PCDHGA11: variants seen among roughly 807,000 people sequenced by gnomAD.
PCDHGA11 encodes the protein protocadherin gamma subfamily A, 11, also known as protocadherin gamma-A11.
In PCDHGA11, 39 loss-of-function variants were observed where a neutral mutation model predicts 60.4. That is an observed-to-expected ratio of 0.65 (90% CI 0.50 to 0.84). The LOEUF is 0.84. Among genes scored for constraint, PCDHGA11 ranks in the 40% least tolerant of loss-of-function variants. The pLI is 0.00. For synonymous variants in PCDHGA11, 533 were observed against 510.3 expected (o/e 1.04, Z -0.60); for missense variants, 1,165 against 1,197.7 (o/e 0.97, Z 0.40).
intron 1 of PCDHGA11, among the ~76,000 whole-genome samples, chr5:141,425,338 G>A (rs561085111): frequency 6.6e-6 from 1 of 152,290 alleles, no homozygotes; most frequent in African/African-American, 2.4e-5. Flanking sequence ...AAAAGGAAGG[G>A]TTGGCTTTGA....
rs763840734 is a variant in PCDHGA11, at chr5:141,428,113, T to C, written c.2433+4453T>C. The stretch of plus-strand genomic sequence containing the variant: ...CTGTCCTACCACGTGCTGCAGGCCA[T>C]CGAGCCCGGGCTTTTCAGCCTGGGG... On this transcript the variant is annotated intron_variant, in intron 1 of 3. Transcript: ENST00000398587. 1.0e-5 allele frequency: 16 copies of C among 1,607,374 alleles called. No homozygotes were observed. In the African/African-American group the frequency reaches 1.9e-4, roughly 19 times the overall value.
chr5:141,477,708 G>T lies in PCDHGA11; in HGVS notation c.2434-17099G>T. ...GTGCCCCTAGACTATGAGGATCGGC[G>T]GGAATTTGAATTAACAGCTCATATC... On this transcript the variant is annotated intron_variant, in intron 1 of 3. Transcript: ENST00000398587. The surrounding 1 kb of genome is among the most constrained non-coding windows in gnomAD (Gnocchi z 4.9). 2 of 1,613,930 alleles carry T rather than the reference G, an allele frequency of 1.2e-6. No individual in the cohort carries two copies. Among genetic ancestry groups the T allele is most frequent in the Non-Finnish European group, 1.7e-6 (2 of 1,180,030 alleles).
chr5:141,476,055 GT>G lies in PCDHGA11; in HGVS notation c.2434-18749del. 6.7e-7 allele frequency: 1 copy of G among 1,503,516 alleles called. No homozygotes were observed. Among genetic ancestry groups the G allele is most frequent in the South Asian group, 1.3e-5 (1 of 75,386 alleles). The allele number at this position is 1,503,516 out of a possible 1,614,324, so 93.1% of individuals were successfully genotyped here. ...GCGCCCAAGCGCTAACCCGCTGAAA[GT>G]TTCTCAGCGAAATCTCAGGGACGAT... On this transcript the variant is annotated intron_variant, in intron 1 of 3. Transcript: ENST00000398587. The surrounding 1 kb of genome is among the most constrained non-coding windows in gnomAD (Gnocchi z 7.6).
At chr5:141,435,497 C>T (rs1234443531) in intron 1 of PCDHGA11, among the ~76,000 whole-genome samples, 1 of 152,154 alleles carries the variant, frequency 6.6e-6, no homozygotes, top group African/African-American at 2.4e-5. Context: ...ATTTCCTACA[C>T]TAATGATACT....
Position 141,434,451 on chromosome 5 carries a change from A to T in PCDHGA11, c.2433+10791A>T, listed in dbSNP as rs145324240. 3.9e-3 allele frequency among the ~76,000 whole-genome samples: 589 copies of T among 152,326 alleles called. 6 individuals carry two copies. The highest frequency in any genetic ancestry group is 0.011 in the Admixed American group (170 of 15,298). ...GGCCGTAATGCCCATGCTGGAAGGTAGTGGGTTTACCGGAATGAGGGCAAG... is the reference window on the plus strand; with the variant it reads ...GGCCGTAATGCCCATGCTGGAAGGTTGTGGGTTTACCGGAATGAGGGCAAG... On this transcript the variant is annotated intron_variant, in intron 1 of 3. Transcript: ENST00000398587.
chr5:141,494,236 T>C (rs1384800217), intron 1 of PCDHGA11, among the ~76,000 whole-genome samples: 7 of 152,128 alleles, frequency 4.6e-5, no homozygotes, highest in Non-Finnish European at 1.0e-4. Flanking sequence ...AAATTAATAA[T>C]GTATTTAGCT....
rs1485167379 is a variant in PCDHGA11, at chr5:141,485,881, C to T, written c.2434-8926C>T. 5.0e-6 allele frequency: 8 copies of T among 1,613,984 alleles called. No homozygotes were observed. Among genetic ancestry groups the T allele is most frequent in the East Asian group, 2.2e-5 (1 of 44,880 alleles). On this transcript the variant is annotated intron_variant, in intron 1 of 3. Transcript: ENST00000398587. The surrounding 1 kb of genome is among the most constrained non-coding windows in gnomAD (Gnocchi z 5.7). ...TCCGGGTATCCGTGCTGGACGTAAACGACAACGCCCCAGCCTTCCAGCAAT... is the reference window on the plus strand; with the variant it reads ...TCCGGGTATCCGTGCTGGACGTAAATGACAACGCCCCAGCCTTCCAGCAAT...
chr5:141,453,341 C>T (rs1327119655), intron 1 of PCDHGA11, among the ~76,000 whole-genome samples: 2 of 151,822 alleles, frequency 1.3e-5, no homozygotes, highest in East Asian at 3.9e-4. Context: ...CTATGTTTCC[C>T]CAGGCTGACC....
Position 141,487,830 on chromosome 5 carries a change from T to C in PCDHGA11, c.2434-6977T>C, listed in dbSNP as rs1410090651. On this transcript the variant is annotated intron_variant, in intron 1 of 3. Transcript: ENST00000398587. This position sits in a 1 kb window ranked among gnomAD's most constrained non-coding sequence, Gnocchi z 5.0. ...TTTAGCATTGGGGGCGGGTCATGCC[T>C]ATATCTGAGTAAGAAATGAAAGTAA... The C allele has an allele frequency of 3.5e-6, 4 of 1,139,942 alleles. No homozygotes were observed. The highest frequency in any genetic ancestry group is 1.6e-5 in the African/African-American group (1 of 63,734). The allele number at this position is 1,139,942 out of a possible 1,614,324, so 70.6% of individuals were successfully genotyped here.
Position 141,493,957 on chromosome 5 carries a change from G to A in PCDHGA11, c.2434-850G>A, listed in dbSNP as rs1360777586. 6.6e-6 allele frequency among the ~76,000 whole-genome samples: 1 copy of A among 152,228 alleles called. No individual in the cohort carries two copies. The highest frequency in any genetic ancestry group is 2.4e-5 in the African/African-American group (1 of 41,458). On this transcript the variant is annotated intron_variant, in intron 1 of 3. Coordinates refer to ENST00000398587, the MANE Select transcript of PCDHGA11 (RefSeq NM_018914.3). This position sits in a 1 kb window ranked among gnomAD's most constrained non-coding sequence, Gnocchi z 4.3. ...AGACCAGAAGGGACTCAGGAATGAA[G>A]TGGCTGGCCAGAGCCCCACACCTTC... is the stretch of plus-strand genomic sequence containing the variant.
chr5:141,446,256 T>C lies in PCDHGA11; in HGVS notation c.2433+22596T>C, dbSNP rs535879308. On this transcript the variant is annotated intron_variant, in intron 1 of 3. Transcript: ENST00000398587. Reference sequence around the variant, plus strand: ...CAAGTGGTAGATCTTCAGTGAAATATTATTAACTGAATAAATACAATGGAT... The same window carrying C: ...CAAGTGGTAGATCTTCAGTGAAATACTATTAACTGAATAAATACAATGGAT... Among the ~76,000 whole-genome samples the C allele has an allele frequency of 2.0e-5, 3 of 152,310 alleles. No homozygotes were observed. The East Asian group carries it at 5.8e-4, about 29-fold the overall frequency.
chr5:141,448,894 G>A (rs2098614669), intron 1 of PCDHGA11, among the ~76,000 whole-genome samples: 2 of 152,098 alleles, frequency 1.3e-5, no homozygotes, highest in South Asian at 4.1e-4. Context: ...GCAGTGAGCC[G>A]AGATCGTGCC....
chr5:141,452,929 G>A (rs2154564099), intron 1 of PCDHGA11, among the ~76,000 whole-genome samples: 1 of 152,310 alleles, frequency 6.6e-6, no homozygotes, highest in Admixed American at 6.5e-5. Flanking sequence ...AAGAGCTGCT[G>A]AAGATTTGCT....
chr5:141,438,685 G>A (rs2098051190), intron 1 of PCDHGA11, among the ~76,000 whole-genome samples: 1 of 143,314 alleles, frequency 7.0e-6, no homozygotes, highest in Non-Finnish European at 1.5e-5. Context: ...GTAGGGGATG[G>A]AGTCTTGCTC....
In PCDHGA11 at chr5:141,422,415, A is replaced by C. The variant is rs1330043187; in HGVS notation, c.1188A>C (p.Glu396Asp). 1 of 1,604,786 alleles carries C rather than the reference A, an allele frequency of 6.2e-7. No homozygotes were observed. The highest frequency in any genetic ancestry group is 1.7e-5 in the Admixed American group (1 of 57,832). Residue 396 changes from glutamate (E) to aspartate (D), a missense_variant, in exon 1 of 4, where the codon GAA becomes GAC. By Grantham distance (45) the Glu-to-Asp change is conservative. Transcript: ENST00000398587. ...CTAACCACCTGCCTTTTAAATTAGA[A>C]AAGACTTATGGAAATTATTACAAAT... ...FIPNHLPFKL[E>D]KTYGNYYKLI...
chr5:141,508,790 C>T (rs1181979966), intron 3 of PCDHGA11, among the ~76,000 whole-genome samples: 1 of 152,072 alleles, frequency 6.6e-6, no homozygotes, highest in African/African-American at 2.4e-5. Flanking sequence ...CCCTAAATCA[C>T]TCTGGAATCC....
At chr5:141,467,596 C>G (rs2099147035) in intron 1 of PCDHGA11, among the ~76,000 whole-genome samples, 1 of 152,202 alleles carries the variant, frequency 6.6e-6, no homozygotes, top group South Asian at 2.1e-4. Context: ...ATTTATTAAG[C>G]ACTTCATCTT....
rs1041081332 is a variant in PCDHGA11, at chr5:141,422,778, C to T, written c.1551C>T (p.Ala517=). The T allele has an allele frequency of 1.9e-6, 3 of 1,613,932 alleles. No homozygotes were observed. Among genetic ancestry groups the T allele is most frequent in the Admixed American group, 1.7e-5 (1 of 60,006 alleles). Residue 517 remains alanine, a synonymous_variant, in exon 1 of 4, where the codon GCC becomes GCT. Transcript: ENST00000398587. ...ACTCCAACACTGGTGTTCTCTATGC[C>T]CTACAATCCTTCGACTATGAGCAGT... ...SINSNTGVLY[A]LQSFDYEQFR...
intron 1 of PCDHGA11, among the ~76,000 whole-genome samples, chr5:141,481,103 C>G (rs190529217): frequency 2.6e-4 from 39 of 152,252 alleles, no homozygotes; most frequent in Non-Finnish European, 3.4e-4. Context: ...TACTCTGGAA[C>G]CTACCAATCC....
Sources: gnomAD v4.1 joint callset for allele counts (sites outside exome capture counted in the v4.1 genomes callset) on GRCh38, gnomAD v4.1.1 for gene constraint, Gnocchi (gnomAD v3.1) non-coding constraint, MANE v1.5 for transcripts, NCBI Gene and HGNC (gene_info 2026-07-23, HGNC 2026-07-21) for gene names.